CMIP: variants seen among roughly 807,000 people sequenced by gnomAD.
The protein encoded by CMIP is c-Maf inducing protein, also known as C-Maf-inducing protein.
A neutral mutation model predicts 97.3 loss-of-function variants in CMIP; 13 were observed. The observed-to-expected ratio is 0.13, with a 90% CI of 0.09 to 0.21. CMIP has a LOEUF of 0.21. Ranked by LOEUF, CMIP falls within the 10% of genes least tolerant of loss-of-function variation. The pLI, the probability that CMIP is intolerant of heterozygous loss-of-function variation, is 1.00. For missense variants in CMIP, 847 were observed against 1,024.9 expected (o/e 0.83, Z 2.37); for synonymous variants, 538 against 436.3 (o/e 1.23, Z -2.91).
intron 1 of CMIP, among the ~76,000 whole-genome samples, chr16:81,507,255 A>G (rs1204043172): frequency 6.6e-6 from 1 of 152,166 alleles, no homozygotes; most frequent in Non-Finnish European, 1.5e-5. Context: ...CTCTGTCTTA[A>G]AAAAGAAAGG....
chr16:81,473,473 T>A (rs1360364847), intron 1 of CMIP, among the ~76,000 whole-genome samples: 1 of 148,824 alleles, frequency 6.7e-6, no homozygotes, highest in Non-Finnish European at 1.5e-5. Context: ...TTTCTTCTTC[T>A]TTTTAAAATA....
chr16:81,709,375 A>G (rs1908506246), intron 20 of CMIP, among the ~76,000 whole-genome samples: 1 of 152,218 alleles, frequency 6.6e-6, no homozygotes, highest in Non-Finnish European at 1.5e-5. Context: ...GACTAGAGTC[A>G]GATGGGCCCA....
rs1199285528 is a variant in CMIP at position 81,640,736 on chromosome 16, GCA to G, written c.478-11466_478-11465del. ...CTCCATACGTGGAGGTCTCTCTGGAGCATGTGTGTGTGTGTGTGTGTGTGTGT... is the reference window on the plus strand; with the variant it reads ...CTCCATACGTGGAGGTCTCTCTGGAGTGTGTGTGTGTGTGTGTGTGTGTGT... On this transcript the variant is annotated intron_variant, in intron 3 of 20. Coordinates refer to ENST00000537098, the MANE Select transcript of CMIP (RefSeq NM_198390.3). Among the ~76,000 whole-genome samples, 5 of 134,084 alleles carry G rather than the reference GCA, an allele frequency of 3.7e-5. No individual in the cohort carries two copies. The East Asian group carries it at 1.0e-3, about 27-fold the overall frequency. The allele number at this position is 134,084 out of a possible 152,430, so 88.0% of individuals were successfully genotyped here.
chr16:81,535,726 A>G (rs2090329997), intron 1 of CMIP, among the ~76,000 whole-genome samples: 1 of 152,056 alleles, frequency 6.6e-6, no homozygotes, highest in Non-Finnish European at 1.5e-5. Flanking sequence ...GAGTGTTCAG[A>G]CACTCGTTTA....
At chr16:81,658,277 G>A (rs114660779) in intron 5 of CMIP, among the ~76,000 whole-genome samples, 128 of 152,310 alleles carry the variant, frequency 8.4e-4, no homozygotes, top group African/African-American at 2.9e-3. Context: ...CATGATGTAA[G>A]CATTTTTGGG....
intron 1 of CMIP, among the ~76,000 whole-genome samples, chr16:81,591,072 A>G (rs2091459799): frequency 6.6e-6 from 1 of 152,266 alleles, no homozygotes; most frequent in Non-Finnish European, 1.5e-5. Context: ...GGCCCTTTAC[A>G]GAAAATGTTT....
At chr16:81,622,682 A>G (rs1204594317) in intron 3 of CMIP, among the ~76,000 whole-genome samples, 1 of 152,212 alleles carries the variant, frequency 6.6e-6, no homozygotes, top group Non-Finnish European at 1.5e-5. Flanking sequence ...GGCCAAGATG[A>G]GTATCAATGA....
chr16:81,448,133 C>T (rs1266771201), intron 1 of CMIP, among the ~76,000 whole-genome samples: 1 of 152,156 alleles, frequency 6.6e-6, no homozygotes, highest in Non-Finnish European at 1.5e-5. Context: ...CCTGAGCTCC[C>T]GATATTCCAA....
At chr16:81,481,797 G>A (rs937830893) in intron 1 of CMIP, among the ~76,000 whole-genome samples, 2 of 152,032 alleles carry the variant, frequency 1.3e-5, no homozygotes, top group African/African-American at 4.8e-5. Flanking sequence ...GAGGCTGCTC[G>A]CATTCCTTCC....
intron 1 of CMIP, among the ~76,000 whole-genome samples, chr16:81,470,029 C>T (rs1357742370): frequency 6.6e-6 from 1 of 152,202 alleles, no homozygotes. Context: ...CTTGCCTTGC[C>T]TGACAGTTCA....
intron 1 of CMIP, among the ~76,000 whole-genome samples, chr16:81,474,213 C>T (rs531340636): frequency 3.7e-4 from 57 of 152,210 alleles, no homozygotes; most frequent in African/African-American, 1.1e-3. Context: ...TTGTACCCCC[C>T]GGGCTTGGAG....
chr16:81,532,344 G>C (rs1056557876), intron 1 of CMIP, among the ~76,000 whole-genome samples: 3 of 152,236 alleles, frequency 2.0e-5, no homozygotes, highest in Non-Finnish European at 4.4e-5. Context: ...GCTGATGCAG[G>C]AGGTATACGC....
At chr16:81,505,893 G>T (rs1374399884) in intron 1 of CMIP, among the ~76,000 whole-genome samples, 1 of 152,246 alleles carries the variant, frequency 6.6e-6, no homozygotes, top group Non-Finnish European at 1.5e-5. Context: ...TATTCGGGAG[G>T]CTGAGGCAGG....
chr16:81,575,712 G>A (rs778128535), intron 1 of CMIP, among the ~76,000 whole-genome samples: 10 of 152,190 alleles, frequency 6.6e-5, no homozygotes, highest in African/African-American at 9.7e-5. Flanking sequence ...TAAACGTTGC[G>A]TGTTTGGGAG....
At chr16:81,569,654 A>G (rs2091047833) in intron 1 of CMIP, among the ~76,000 whole-genome samples, 1 of 152,220 alleles carries the variant, frequency 6.6e-6, no homozygotes, top group African/African-American at 2.4e-5. Context: ...TACTGTGTAA[A>G]TACTTACACT....
intron 14 of CMIP, chr16:81,696,955 A>G (rs1295659142): frequency 2.1e-6 from 1 of 475,386 alleles, no homozygotes; most frequent in African/African-American, 2.0e-5. Context: ...TTTATACCCA[A>G]GGCAGCTAAA....
chr16:81,506,575 GAA>G (rs1249157881), intron 1 of CMIP, among the ~76,000 whole-genome samples: 1 of 152,258 alleles, frequency 6.6e-6, no homozygotes, highest in East Asian at 1.9e-4. Flanking sequence ...CTTGATTGGG[GAA>G]AAGTCTTCCG....
intron 3 of CMIP, among the ~76,000 whole-genome samples, chr16:81,640,096 C>T (rs776362585): frequency 2.6e-5 from 4 of 152,162 alleles, no homozygotes; most frequent in Non-Finnish European, 4.4e-5. Flanking sequence ...CTGGAAGTTC[C>T]TCCTGTAGCC....
chr16:81,641,107 G>A (rs971271410), intron 3 of CMIP, among the ~76,000 whole-genome samples: 1 of 152,094 alleles, frequency 6.6e-6, no homozygotes, highest in African/African-American at 2.4e-5. Flanking sequence ...CAGATTCCCA[G>A]GCCTCGCCCA....
Sources: allele counts gnomAD v4.1 joint callset (sites outside exome capture counted in the v4.1 genomes callset), GRCh38; gene constraint gnomAD v4.1.1; transcripts MANE v1.5; gene names NCBI Gene and HGNC (gene_info 2026-07-23, HGNC 2026-07-21).